The following NIPAL2 variants were observed in gnomAD, a reference collection of about 807,000 sequenced individuals.
NIPAL2 encodes the protein NIPA-like protein 2.
NIPAL2 carries 43 observed loss-of-function variants against 48.9 expected under a neutral mutation model. The ratio of observed to expected loss-of-function variants is 0.88; its 90% CI spans 0.69 to 1.13. The LOEUF is 1.13. Among genes scored for constraint, NIPAL2 ranks in the 50% most tolerant of loss-of-function variants. The probability of loss-of-function intolerance (pLI) is 0.00; values close to 1 mark genes in which losing one functional copy is unlikely to be tolerated. For synonymous variants in NIPAL2, 167 were observed against 174.6 expected (o/e 0.96, Z 0.34); for missense variants, 446 against 461.4 (o/e 0.97, Z 0.31).
intron 5 of NIPAL2, among the ~76,000 whole-genome samples, chr8:98,221,561 T>G (rs1811884215): frequency 2.0e-5 from 3 of 152,160 alleles, no homozygotes; most frequent in Admixed American, 2.0e-4. Flanking sequence ...TTTAAATTAT[T>G]ATACTTTAAG....
intron 5 of NIPAL2, among the ~76,000 whole-genome samples, chr8:98,221,242 C>T (rs1024868426): frequency 3.1e-4 from 47 of 152,088 alleles, no homozygotes; most frequent in African/African-American, 1.1e-3. Flanking sequence ...TCCCAAAGTG[C>T]TGGGATTACG....
intron 4 of NIPAL2, among the ~76,000 whole-genome samples, chr8:98,223,250 A>G (rs2130757629): frequency 6.6e-6 from 1 of 152,352 alleles, no homozygotes; most frequent in South Asian, 2.1e-4. Context: ...GTAAAATAAA[A>G]ATAAAATAGA....
chr8:98,287,137 A>T (rs1243660298), intron 1 of NIPAL2, among the ~76,000 whole-genome samples: 1 of 152,206 alleles, frequency 6.6e-6, no homozygotes, highest in East Asian at 1.9e-4. Context: ...AAATGGCACA[A>T]AGTCTTATGT....
intron 6 of NIPAL2, among the ~76,000 whole-genome samples, chr8:98,211,434 A>G (rs1438711782): frequency 6.6e-6 from 1 of 152,222 alleles, no homozygotes; most frequent in African/African-American, 2.4e-5. Flanking sequence ...AGCACAGAGT[A>G]CATCTGTTTC....
intron 8 of NIPAL2, among the ~76,000 whole-genome samples, chr8:98,199,680 G>A (rs756593401): frequency 8.5e-5 from 13 of 152,130 alleles, no homozygotes; most frequent in Non-Finnish European, 1.6e-4. Context: ...TAACAAACTT[G>A]AAATAATGCA....
intron 1 of NIPAL2, among the ~76,000 whole-genome samples, chr8:98,284,416 TCTCACACA>T (rs1225091501): frequency 3.8e-4 from 39 of 101,824 alleles, no homozygotes; most frequent in African/African-American, 1.8e-3. Context: ...TCTCTCTCTC[TCTCACACA>T]CACACACACA....
intron 1 of NIPAL2, among the ~76,000 whole-genome samples, chr8:98,255,698 T>C (rs1402831624): frequency 1.3e-5 from 2 of 152,210 alleles, no homozygotes; most frequent in Non-Finnish European, 2.9e-5. Flanking sequence ...GGGGAAACAA[T>C]TGAGGCACAA....
At chr8:98,247,775 G>A (rs1024441310) in intron 3 of NIPAL2, among the ~76,000 whole-genome samples, 2 of 152,200 alleles carry the variant, frequency 1.3e-5, no homozygotes, top group Non-Finnish European at 2.9e-5. Flanking sequence ...GAAAGCCAGG[G>A]AAGGCCTCTT....
intron 1 of NIPAL2, among the ~76,000 whole-genome samples, chr8:98,277,256 C>G (rs1053598940): frequency 6.6e-6 from 1 of 152,138 alleles, no homozygotes; most frequent in Non-Finnish European, 1.5e-5. Flanking sequence ...TGGGCGGACA[C>G]AGTGGCTCAA....
At chr8:98,212,153 A>G (rs546708785) in intron 6 of NIPAL2, among the ~76,000 whole-genome samples, 1 of 152,212 alleles carries the variant, frequency 6.6e-6, no homozygotes, top group East Asian at 1.9e-4. Context: ...TCAAATTATC[A>G]GGGAGCAAAT....
intron 3 of NIPAL2, among the ~76,000 whole-genome samples, chr8:98,246,614 G>A (rs1356374538): frequency 1.3e-5 from 2 of 152,172 alleles, no homozygotes; most frequent in Non-Finnish European, 1.5e-5. Flanking sequence ...ATGAGTTTAT[G>A]TGTCTCATAC....
At chr8:98,273,467 T>A (rs968087619) in intron 1 of NIPAL2, among the ~76,000 whole-genome samples, 1 of 152,098 alleles carries the variant, frequency 6.6e-6, no homozygotes, top group Non-Finnish European at 1.5e-5. Flanking sequence ...CTTTGTGATA[T>A]ACTAAAAACC....
chr8:98,205,653 C>T (rs1470835723), intron 6 of NIPAL2, among the ~76,000 whole-genome samples: 1 of 152,060 alleles, frequency 6.6e-6, no homozygotes, highest in East Asian at 1.9e-4. Flanking sequence ...TTAAACTATA[C>T]TGAAAATTTA....
intron 5 of NIPAL2, among the ~76,000 whole-genome samples, chr8:98,213,568 G>T (rs1811427037): frequency 6.6e-6 from 1 of 151,942 alleles, no homozygotes. Flanking sequence ...CTCCTGGATG[G>T]TCCACTCTGT....
chr8:98,243,266 G>A (rs1813094800), intron 3 of NIPAL2, among the ~76,000 whole-genome samples: 1 of 152,176 alleles, frequency 6.6e-6, no homozygotes, highest in Non-Finnish European at 1.5e-5. Flanking sequence ...GTGTCACTTA[G>A]GTTGGCAATC....
intron 1 of NIPAL2, among the ~76,000 whole-genome samples, chr8:98,280,107 G>T (rs570349370): frequency 6.6e-6 from 1 of 152,348 alleles, no homozygotes; most frequent in African/African-American, 2.4e-5. Flanking sequence ...CCATTGTGGA[G>T]CGAAAGCAGT....
intron 5 of NIPAL2, 21 bp downstream of exon 5, chr8:98,222,458 T>G (rs765035699): frequency 1.6e-5 from 26 of 1,610,436 alleles, no homozygotes; most frequent in Non-Finnish European, 8.5e-7. Context: ...TCGGGGATAG[T>G]AAAATATTTA....
intron 3 of NIPAL2, among the ~76,000 whole-genome samples, chr8:98,237,175 G>A (rs1389056125): frequency 6.6e-6 from 1 of 151,910 alleles, no homozygotes; most frequent in Non-Finnish European, 1.5e-5. Flanking sequence ...ATCCTCTCGA[G>A]TAGCTGGGAC....
At chr8:98,269,290 C>T (rs1461932824) in intron 1 of NIPAL2, among the ~76,000 whole-genome samples, 1 of 152,094 alleles carries the variant, frequency 6.6e-6, no homozygotes, top group Non-Finnish European at 1.5e-5. Context: ...TTGGCTAGAT[C>T]CATCAGAGGA....
Sources: allele counts gnomAD v4.1 joint callset (sites outside exome capture counted in the v4.1 genomes callset), GRCh38; gene constraint gnomAD v4.1.1; transcripts MANE v1.5; gene names NCBI Gene and HGNC (gene_info 2026-07-23, HGNC 2026-07-21).